ABCA2: variants seen among roughly 807,000 people sequenced by gnomAD.
ABCA2 encodes the protein ATP-binding cassette sub-family A member 2.
Under a neutral mutation model 262.8 loss-of-function variants are expected in ABCA2, and 84 were observed. The observed-to-expected ratio is 0.32, with a 90% CI of 0.27 to 0.38. The LOEUF (loss-of-function observed/expected upper bound fraction) is 0.38. Among genes scored for constraint, ABCA2 ranks in the 10% least tolerant of loss-of-function variants. The pLI is 1.00. For missense variants in ABCA2, 2,662 were observed against 3,405.9 expected, an observed-to-expected ratio of 0.78 and a Z score of 5.44; for synonymous variants, 1,696 against 1,502.9, an observed-to-expected ratio of 1.13 and a Z score of -2.97.
chr9:137,013,905 G>A lies in ABCA2; in HGVS notation c.4374C>T (p.Leu1458=), dbSNP rs1302000341. 2 of 1,612,634 alleles carry A rather than the reference G, an allele frequency of 1.2e-6. No individual in the cohort carries two copies. Among genetic ancestry groups the A allele is most frequent in the Non-Finnish European group, 1.7e-6 (2 of 1,179,892 alleles). ...AGGCTGGCAGCAAGATCTGGGAGAAGAGTGCCTTGGAGTTGCGGCGGGCGC... is the reference window on the plus strand; with the variant it reads ...AGGCTGGCAGCAAGATCTGGGAGAAAAGTGCCTTGGAGTTGCGGCGGGCGC... The part of the protein sequence containing the change: ...FHCARRNSKA[L]FSQILLPAFF... Residue 1458 remains leucine, a synonymous_variant, in exon 28 of 49, where the codon CTC becomes CTT. Coordinates refer to ENST00000341511, the MANE Select transcript of ABCA2 (RefSeq NM_001606.5).
In ABCA2 at chr9:137,011,518, G is replaced by A. The variant is rs780952716; in HGVS notation, c.5688C>T (p.Phe1896=). 4 of 1,594,088 alleles carry A rather than the reference G, an allele frequency of 2.5e-6. No homozygotes were observed. Among genetic ancestry groups the A allele is most frequent in the Non-Finnish European group, 3.4e-6 (4 of 1,170,442 alleles). Residue 1896 remains phenylalanine, a synonymous_variant, in exon 37 of 49, where the codon TTC becomes TTT. Transcript: ENST00000341511. This position sits in a 1 kb window ranked among gnomAD's most constrained non-coding sequence, Gnocchi z 8.8. ...SITPIMYPAS[F]WFEVPSSAYV... ...AGGCGGAGCTGGGGACCTCGAACCA[G>A]AAGGAGGCCGGGTACATGATGGGCG...
intron 10 of ABCA2, chr9:137,020,016 C>A (rs1023172533): frequency 1.6e-5 from 5 of 315,870 alleles, no homozygotes; most frequent in Non-Finnish European, 3.0e-5. Context: ...CCAAACTGCC[C>A]AGCTGCCCGC....
At position 137,017,914 on chromosome 9, in the gene ABCA2, C is replaced by T; in HGVS notation, c.2097-13G>A. ...GACAAACAGGAAGCTGCGGGGAGGC[C>T]GCGCTCAGGCGCCACTCAGCCCCAG... On this transcript the variant is annotated splice_polypyrimidine_tract_variant and intron_variant, in intron 15 of 48. Transcript: ENST00000341511. 2 of 1,612,194 alleles carry T rather than the reference C, an allele frequency of 1.2e-6. No individual in the cohort carries two copies. The highest frequency in any genetic ancestry group is 8.5e-7 in the Non-Finnish European group (1 of 1,179,728).
rs193005763 is a variant in ABCA2 at position 137,009,775 on chromosome 9, G to A, written c.6624C>T (p.Ile2208=). 1.1e-4 allele frequency: 185 copies of A among 1,611,122 alleles called. No homozygotes were observed. The highest frequency in any genetic ancestry group is 8.0e-4 in the African/African-American group (60 of 75,030). ...AIALIGYPAF[I]FLDEPTTGMD... ...CCACCCACCCAGGACTTACCAGGAA[G>A]ATGAAGGCTGGGTACCCAATGAGGG... The change falls in exon 43 of 49, where the codon ATC becomes ATT. Residue 2208 remains isoleucine (I), a synonymous_variant. Coordinates refer to ENST00000341511, the MANE Select transcript of ABCA2 (RefSeq NM_001606.5).
rs1385418656 is a variant in ABCA2, at chr9:137,009,515, CA to C, written c.6734+25del. On this transcript the variant is annotated intron_variant, in intron 44 of 48. Transcript: ENST00000341511. Reference sequence around the variant, plus strand: ...GAAGGGGTGCTGTGGGGTGGGGGCACAAAGAGGGGGTGGGGGCGCCCTCACC... The same window carrying C: ...GAAGGGGTGCTGTGGGGTGGGGGCACAAGAGGGGGTGGGGGCGCCCTCACC... 3 of 1,472,138 alleles carry C rather than the reference CA, an allele frequency of 2.0e-6. No individual in the cohort carries two copies. In the Admixed American group the frequency reaches 5.1e-5, roughly 25 times the overall value. 91.2% of individuals were successfully genotyped at this position (1,472,138 alleles called of 1,614,324 possible).
At chr9:137,028,795 C>T (rs926367373), upstream of ABCA2, 1 of 1,303,268 alleles carries the variant, frequency 7.7e-7, no homozygotes, top group Non-Finnish European at 1.0e-6. The surrounding 1 kb of genome is among the most constrained non-coding windows in gnomAD (Gnocchi z 6.9). Context: ...ACTCGAGGCC[C>T]CAGGAACGCT....
chr9:137,021,186 C>A lies in ABCA2; in HGVS notation c.898-125G>T. ...GCTAGGGGTGCTGGGAGGGAGTCTG[C>A]AGCCTGGGTAACGGGAGCCCAGGAC... On this transcript the variant is annotated intron_variant, in intron 8 of 48. Coordinates refer to ENST00000341511, the MANE Select transcript of ABCA2 (RefSeq NM_001606.5). The surrounding 1 kb of genome is among the most constrained non-coding windows in gnomAD (Gnocchi z 6.0). The A allele has an allele frequency of 2.2e-6, 3 of 1,383,424 alleles. No homozygotes were observed. The highest frequency in any genetic ancestry group is 2.5e-5 in the East Asian group (1 of 39,718). 85.7% of individuals were successfully genotyped at this position (1,383,424 alleles called of 1,614,324 possible). A position where few individuals can be genotyped will look rare whatever the true frequency, so the allele number is the denominator to read the frequency against.
chr9:137,025,134 G>A (rs1831610358), intron 1 of ABCA2, among the ~76,000 whole-genome samples: 1 of 152,200 alleles, frequency 6.6e-6, no homozygotes, highest in South Asian at 2.1e-4. Flanking sequence ...CTTGGGCCTT[G>A]GAGCTCAGTT....
At chr9:137,022,095 T>TGGTGGGGGCGTGGCTC in intron 6 of ABCA2, 94 bp from the exon 7 acceptor site, 2 of 255,138 alleles carry the variant, frequency 7.8e-6, no homozygotes, top group Non-Finnish European at 1.3e-5. Context: ...GGGCGTGGCT[T>TGGTGGGGGCGTGGCTC]AGATGGTGGG....
chr9:137,026,173 T>A (rs778393845), intron 1 of ABCA2, among the ~76,000 whole-genome samples: 36 of 152,154 alleles, frequency 2.4e-4, no homozygotes, highest in Non-Finnish European at 3.4e-4. Flanking sequence ...TCCAGCTAAC[T>A]AAGAGGAGAT....
In ABCA2 at chr9:137,016,109, C is replaced by T. The variant is rs1196123224; in HGVS notation, c.3170G>A (p.Arg1057His). The T allele has an allele frequency of 1.1e-5, 18 of 1,612,698 alleles. No homozygotes were observed. The highest frequency in any genetic ancestry group is 1.7e-5 in the Admixed American group (1 of 60,008). ...GSATIYGHDI[R>H]TEMDEIRKNL... ...CTTGCGGATCTCATCCATCTCCGTG[C>T]GGATGTCGTGCCCGTAGATGGTGGC... is the stretch of plus-strand genomic sequence containing the variant. The change falls in exon 22 of 49, where the codon CGC (arginine) becomes CAC (histidine). Residue 1057 changes from arginine to histidine, a missense_variant. Transcript: ENST00000341511.
Position 137,010,987 on chromosome 9 carries a change from G to T in ABCA2, c.6042C>A (p.Phe2014Leu). Residue 2014 changes from phenylalanine (F) to leucine (L), a missense_variant, in exon 39 of 49, where the codon TTC (phenylalanine) becomes TTA (leucine). Transcript: ENST00000341511. ...FLLTIMCQYN[F>L]LRRPQRMPVS... is the part of the protein sequence containing the mutation. ...CCCCCACTCACTGTGGCCGCCGCAGGAAGTTGTACTGGCACATGATGGTCA... is the reference window on the plus strand; with the variant it reads ...CCCCCACTCACTGTGGCCGCCGCAGTAAGTTGTACTGGCACATGATGGTCA... The T allele has an allele frequency of 6.3e-7, 1 of 1,587,808 alleles. No individual in the cohort carries two copies. The highest frequency in any genetic ancestry group is 8.6e-7 in the Non-Finnish European group (1 of 1,167,134).
chr9:137,015,620 T>G, intron 23 of ABCA2, 24 bp from the exon 24 acceptor site: 1 of 1,611,890 alleles, frequency 6.2e-7, no homozygotes, highest in South Asian at 1.1e-5. Context: ...AGACCCAGGG[T>G]CAGGGGGCAG....
In ABCA2 at chr9:137,013,461, C is replaced by T. The variant is rs564413927; in HGVS notation, c.4550G>A (p.Arg1517Gln). Reference protein sequence around the residue: ...PYANEERREYRLRLSPDASPQ... With the variant: ...PYANEERREYQLRLSPDASPQ... ...AGGCTGCCCCCGCTGGAGGCCTCAC[C>T]GGTACTCGCGGCGCTCCTCGTTGGC... Residue 1517 changes from arginine (R) to glutamine (Q), a missense_variant and splice_region_variant, in exon 29 of 49, where the codon CGG (arginine) becomes CAG (glutamine). Coordinates refer to ENST00000341511, the MANE Select transcript of ABCA2 (RefSeq NM_001606.5). The T allele has an allele frequency of 5.0e-6, 8 of 1,603,088 alleles. No individual in the cohort carries two copies. Among genetic ancestry groups the T allele is most frequent in the African/African-American group, 2.7e-5 (2 of 75,014 alleles).
At chr9:137,012,970 C>T in intron 30 of ABCA2, 32 bp downstream of exon 30, 1 of 1,480,810 alleles carries the variant, frequency 6.8e-7, no homozygotes. Context: ...CTCACTGCCC[C>T]TGCCCCCCCA....
At chr9:137,009,097 C>T (rs1326203172) in intron 45 of ABCA2, 44 bp from the exon 46 acceptor site, 8 of 1,573,156 alleles carry the variant, frequency 5.1e-6, no homozygotes, top group Non-Finnish European at 6.9e-6. Context: ...GCCGCCCAGC[C>T]AGAGCCCCAG....
At position 137,019,397 on chromosome 9, in the gene ABCA2, C is replaced by A; in HGVS notation, c.1426-91G>T. 1.4e-6 allele frequency: 2 copies of A among 1,467,614 alleles called. No homozygotes were observed. Among genetic ancestry groups the A allele is most frequent in the South Asian group, 1.3e-5 (1 of 77,104 alleles). The allele number at this position is 1,467,614 out of a possible 1,614,324, so 90.9% of individuals were successfully genotyped here. ...CCCACTCACCTCCCCAGTGGCTGGT[C>A]CATTGCCAACAACTAACCCTCCCCA... On this transcript the variant is annotated intron_variant, in intron 10 of 48. Coordinates refer to ENST00000341511, the MANE Select transcript of ABCA2 (RefSeq NM_001606.5). The surrounding 1 kb of genome is among the most constrained non-coding windows in gnomAD (Gnocchi z 4.4).
chr9:137,011,840 G>A lies in ABCA2; in HGVS notation c.5535+4C>T, dbSNP rs368983462. 41 of 1,579,196 alleles carry A rather than the reference G, an allele frequency of 2.6e-5. No homozygotes were observed. The highest frequency in any genetic ancestry group is 2.4e-4 in the Admixed American group (13 of 54,684). ...GGGGCACCCCATGGCCACGCCGGGC[G>A]CACCATGTCCCACACGTAGTTCGCC... On this transcript the variant is annotated splice_donor_region_variant and intron_variant, in intron 35 of 48. Transcript: ENST00000341511. This position sits in a 1 kb window ranked among gnomAD's most constrained non-coding sequence, Gnocchi z 8.8.
chr9:137,020,795 G>A lies in ABCA2; in HGVS notation c.1164C>T (p.Pro388=), dbSNP rs1831422512. ...GPNATAEEGA[P]SAAALATPDT... ...CCGGGGTGGCCAGTGCTGCAGCAGAGGGTGCGCCCTCCTCAGCGGTGGCGT... is the reference window on the plus strand; with the variant it reads ...CCGGGGTGGCCAGTGCTGCAGCAGAAGGTGCGCCCTCCTCAGCGGTGGCGT... The change falls in exon 9 of 49, where the codon CCC becomes CCT. Residue 388 remains proline, a synonymous_variant. Coordinates refer to ENST00000341511, the MANE Select transcript of ABCA2 (RefSeq NM_001606.5). The A allele has an allele frequency of 6.3e-7, 1 of 1,584,930 alleles. No homozygotes were observed.
Sources: gnomAD v4.1 joint callset for allele counts (sites outside exome capture counted in the v4.1 genomes callset) on GRCh38, gnomAD v4.1.1 for gene constraint, Gnocchi (gnomAD v3.1) non-coding constraint, MANE v1.5 for transcripts, NCBI Gene and HGNC (gene_info 2026-07-23, HGNC 2026-07-21) for gene names.